The following PLXNC1 variants were observed in gnomAD, a reference collection of about 807,000 sequenced individuals.
PLXNC1 encodes the protein plexin C1.
Under a neutral mutation model 178.2 loss-of-function variants are expected in PLXNC1, and 75 were observed. The ratio of observed to expected loss-of-function variants is 0.42; its 90% CI spans 0.35 to 0.51. The LOEUF (loss-of-function observed/expected upper bound fraction) is 0.51. Ranked by LOEUF, PLXNC1 falls within the 20% of genes least tolerant of loss-of-function variation. PLXNC1 has a pLI of 0.02. For missense variants in PLXNC1, 1,503 were observed against 1,984.4 expected, an observed-to-expected ratio of 0.76 and a Z score of 4.61; for synonymous variants, 790 against 779.9, an observed-to-expected ratio of 1.01 and a Z score of -0.22.
chr12:94,243,699 T>A (rs886310625), intron 11 of PLXNC1, among the ~76,000 whole-genome samples: 35 of 152,226 alleles, frequency 2.3e-4, no homozygotes, highest in African/African-American at 7.2e-4. Flanking sequence ...TTTCCTAGAA[T>A]TAAAATAGGA....
chr12:94,292,711 T>C (rs942987566), intron 23 of PLXNC1, among the ~76,000 whole-genome samples: 1 of 152,240 alleles, frequency 6.6e-6, no homozygotes, highest in Non-Finnish European at 1.5e-5. Context: ...GGTAATTTTA[T>C]ATAATTTGTG....
At chr12:94,236,636 G>A (rs534883850) in intron 9 of PLXNC1, among the ~76,000 whole-genome samples, 12 of 147,726 alleles carry the variant, frequency 8.1e-5, no homozygotes, top group African/African-American at 2.6e-4. Context: ...TATATTCTGC[G>A]ATGGTAGAGG....
intron 11 of PLXNC1, among the ~76,000 whole-genome samples, chr12:94,241,340 A>T (rs1964383835): frequency 6.6e-6 from 1 of 152,174 alleles, no homozygotes; most frequent in Non-Finnish European, 1.5e-5. Flanking sequence ...TCAAGCACTT[A>T]TCATTTCTTT....
At chr12:94,179,243 A>G (rs1432596271) in intron 2 of PLXNC1, among the ~76,000 whole-genome samples, 2 of 152,240 alleles carry the variant, frequency 1.3e-5, no homozygotes, top group Non-Finnish European at 2.9e-5. Context: ...ACTTTGTCCA[A>G]AAAGAATCTC....
intron 21 of PLXNC1, among the ~76,000 whole-genome samples, chr12:94,276,221 G>C (rs1250693299): frequency 6.6e-6 from 1 of 152,096 alleles, no homozygotes; most frequent in South Asian, 2.1e-4. Flanking sequence ...CGATTAAAAG[G>C]TGCCTCCCAT....
chr12:94,212,832 G>A (rs1963527884), intron 5 of PLXNC1, among the ~76,000 whole-genome samples: 1 of 150,518 alleles, frequency 6.6e-6, no homozygotes, highest in Non-Finnish European at 1.5e-5. Flanking sequence ...CCATTCTCCT[G>A]CCTCAGCCTC....
intron 4 of PLXNC1, among the ~76,000 whole-genome samples, chr12:94,193,586 T>C (rs1315992778): frequency 6.6e-6 from 1 of 152,206 alleles, no homozygotes; most frequent in Non-Finnish European, 1.5e-5. Flanking sequence ...TACCCACATG[T>C]ACACTTGATT....
chr12:94,269,632 A>G (rs1001581236), intron 21 of PLXNC1, among the ~76,000 whole-genome samples: 2 of 152,234 alleles, frequency 1.3e-5, no homozygotes, highest in Non-Finnish European at 1.5e-5. Flanking sequence ...TGTTACTTCA[A>G]TTACATTCCA....
intron 9 of PLXNC1, among the ~76,000 whole-genome samples, chr12:94,228,958 T>C (rs370124603): frequency 7.2e-5 from 11 of 152,230 alleles, no homozygotes; most frequent in African/African-American, 2.7e-4. Context: ...ATTCTCTTTT[T>C]GGTTTTTTGA....
At chr12:94,274,489 G>A (rs1220261380) in intron 21 of PLXNC1, among the ~76,000 whole-genome samples, 7 of 152,220 alleles carry the variant, frequency 4.6e-5, no homozygotes, top group Non-Finnish European at 2.9e-5. Context: ...GTTAGCAGAG[G>A]AGGGATGGCT....
intron 21 of PLXNC1, among the ~76,000 whole-genome samples, chr12:94,271,558 T>G (rs553337384): frequency 6.6e-6 from 1 of 152,314 alleles, no homozygotes; most frequent in African/African-American, 2.4e-5. Context: ...CTGATAGTCT[T>G]GGGTTTGAAT....
chr12:94,244,005 G>A lies in PLXNC1; in HGVS notation c.2368G>A (p.Glu790Lys). 6.3e-7 allele frequency: 1 copy of A among 1,583,204 alleles called. No individual in the cohort carries two copies. Among genetic ancestry groups the A allele is most frequent in the Non-Finnish European group, 8.7e-7 (1 of 1,154,092 alleles). ...DVIDNLIISH[E>K]LKGNINVSEY... ...AATTGACAACTTAATCATTTCACAT[G>A]AATTAAAAGGAAACATAAATGTAAG... Residue 790 changes from glutamate (E) to lysine (K), a missense_variant, in exon 12 of 31, where the codon GAA becomes AAA. Physicochemically the swap from Glu to Lys is moderately conservative, Grantham distance 56. Transcript: ENST00000258526.
intron 24 of PLXNC1, among the ~76,000 whole-genome samples, chr12:94,296,660 T>G (rs572099589): frequency 6.6e-6 from 1 of 152,374 alleles, no homozygotes; most frequent in African/African-American, 2.4e-5. Flanking sequence ...CCTAGCTGAC[T>G]CTATCTCTTC....
chr12:94,303,646 TTGG>T, intron 28 of PLXNC1, 107 bp from the exon 29 acceptor site: 3 of 914,094 alleles, frequency 3.3e-6, no homozygotes, highest in Non-Finnish European at 4.7e-6. Flanking sequence ...GTAAAACTGG[TTGG>T]TGGTGGGGGT....
At chr12:94,274,450 G>A (rs1965792556) in intron 21 of PLXNC1, among the ~76,000 whole-genome samples, 1 of 152,196 alleles carries the variant, frequency 6.6e-6, no homozygotes, top group African/African-American at 2.4e-5. Flanking sequence ...AACCCAGGCT[G>A]GACCCACTGC....
chr12:94,271,311 T>C (rs17022336), intron 21 of PLXNC1, among the ~76,000 whole-genome samples: 11,293 of 152,256 alleles, frequency 0.074, 467 homozygotes, highest in African/African-American at 0.1. Flanking sequence ...CTGCTTTTAT[T>C]AGCCAAGAAT....
At chr12:94,164,457 G>A (rs1160542685) in intron 1 of PLXNC1, among the ~76,000 whole-genome samples, 1 of 125,428 alleles carries the variant, frequency 8.0e-6, no homozygotes. Context: ...GCCTCGATGA[G>A]CCGGGCCATC....
In PLXNC1 at chr12:94,282,369, A is replaced by C. The variant is rs1966506088; in HGVS notation, c.3847A>C (p.Ile1283Leu). 6.2e-7 allele frequency: 1 copy of C among 1,613,596 alleles called. No individual in the cohort carries two copies. Among genetic ancestry groups the C allele is most frequent in the Admixed American group, 1.7e-5 (1 of 60,008 alleles). ...TTCCTCCGTGATTCTTGAAGATGGA[A>C]TCACCAAGCTAAACACCATTGGCCA... Reference protein sequence around the residue: ...DSSSVILEDGITKLNTIGHYE... With the variant: ...DSSSVILEDGLTKLNTIGHYE... The change falls in exon 23 of 31, where the codon ATC (isoleucine) becomes CTC (leucine). Residue 1283 changes from isoleucine to leucine, a missense_variant. Ile to Leu is a conservative substitution (Grantham distance 5). This residue lies in a region of PLXNC1 where 639 missense variants were observed against 979.7 expected (regional missense o/e 0.65). Coordinates refer to ENST00000258526, the MANE Select transcript of PLXNC1 (RefSeq NM_005761.3).
chr12:94,168,831 C>A (rs1961729560), intron 1 of PLXNC1, among the ~76,000 whole-genome samples: 2 of 152,242 alleles, frequency 1.3e-5, no homozygotes, highest in African/African-American at 2.4e-5. Flanking sequence ...CCTCCCAATT[C>A]AGCGGTGGGC....
Sources: allele counts gnomAD v4.1 joint callset (sites outside exome capture counted in the v4.1 genomes callset), GRCh38; gene constraint gnomAD v4.1.1; regional missense constraint gnomAD v4.1.1; transcripts MANE v1.5; gene names NCBI Gene and HGNC (gene_info 2026-07-23, HGNC 2026-07-21).